The following MCC variants were observed in gnomAD, a reference collection of about 807,000 sequenced individuals.
MCC encodes colorectal mutant cancer protein.
Under a neutral mutation model 116.2 loss-of-function variants are expected in MCC, and 90 were observed. The ratio of observed to expected loss-of-function variants is 0.77; its 90% CI spans 0.65 to 0.92. The LOEUF (loss-of-function observed/expected upper bound fraction) is 0.92. Ranked by LOEUF, MCC falls within the 40% of genes least tolerant of loss-of-function variation. The probability of loss-of-function intolerance (pLI) is 0.00; values close to 1 mark genes in which losing one functional copy is unlikely to be tolerated. For synonymous variants in MCC, 578 were observed against 510.5 expected, an observed-to-expected ratio of 1.13 and a Z score of -1.78; for missense variants, 1,516 against 1,312.2, an observed-to-expected ratio of 1.16 and a Z score of -2.40.
At chr5:113,199,105 T>G (rs1005283772) in intron 3 of MCC, among the ~76,000 whole-genome samples, 1 of 151,788 alleles carries the variant, frequency 6.6e-6, no homozygotes, top group African/African-American at 2.4e-5. Flanking sequence ...GAGGTGGAGG[T>G]TGCAGTGAGC....
intron 17 of MCC, among the ~76,000 whole-genome samples, chr5:113,040,786 T>C (rs933447980): frequency 1.3e-5 from 2 of 152,192 alleles, no homozygotes; most frequent in Non-Finnish European, 2.9e-5. Flanking sequence ...TGGGTCTTGA[T>C]TAGAAATCCA....
At chr5:113,062,339 T>C (rs1338060445) in intron 14 of MCC, among the ~76,000 whole-genome samples, 1 of 152,208 alleles carries the variant, frequency 6.6e-6, no homozygotes. Context: ...TTCTAACAAA[T>C]ATTCAAAAGC....
chr5:113,033,364 T>C (rs542962552), intron 17 of MCC, among the ~76,000 whole-genome samples: 1 of 152,308 alleles, frequency 6.6e-6, no homozygotes, highest in South Asian at 2.1e-4. Flanking sequence ...TATGCAAAAT[T>C]GCAAGCACGG....
chr5:113,371,189 C>G (rs1488418811), intron 2 of MCC, among the ~76,000 whole-genome samples: 2 of 152,102 alleles, frequency 1.3e-5, no homozygotes, highest in Non-Finnish European at 2.9e-5. Context: ...CCACTGCACT[C>G]CAGCCTGGGT....
At chr5:113,344,742 C>G (rs145633059) in intron 2 of MCC, among the ~76,000 whole-genome samples, 1 of 152,036 alleles carries the variant, frequency 6.6e-6, no homozygotes, top group African/African-American at 2.4e-5. Flanking sequence ...GATTCATCAC[C>G]TGCTGACTAA....
rs923104329 is a variant in MCC at position 113,270,264 on chromosome 5, C to T, written c.627+70255G>A. On this transcript the variant is annotated intron_variant, in intron 3 of 18. Transcript: ENST00000408903. ...AGTTCTAAGTCAGTAATGAATAATACGGCTGTTCATCTTTAGGTCATCCAC... is the reference window on the plus strand; with the variant it reads ...AGTTCTAAGTCAGTAATGAATAATATGGCTGTTCATCTTTAGGTCATCCAC... Among the ~76,000 whole-genome samples the T allele has an allele frequency of 5.9e-5, 9 of 152,178 alleles. No individual in the cohort carries two copies. In the East Asian group the frequency reaches 7.7e-4, roughly 13 times the overall value.
intron 1 of MCC, among the ~76,000 whole-genome samples, chr5:113,420,635 C>T (rs992469558): frequency 2.0e-5 from 3 of 152,150 alleles, no homozygotes; most frequent in Admixed American, 2.0e-4. Flanking sequence ...CACTGCACAC[C>T]AGTGTGCTTA....
chr5:113,184,787 T>C (rs976206648), intron 3 of MCC, among the ~76,000 whole-genome samples: 3 of 152,332 alleles, frequency 2.0e-5, no homozygotes, highest in African/African-American at 4.8e-5. Flanking sequence ...AGTCCACTGA[T>C]GGAGGTATGT....
intron 3 of MCC, among the ~76,000 whole-genome samples, chr5:113,269,805 C>T (rs926522668): frequency 2.0e-5 from 3 of 152,202 alleles, no homozygotes; most frequent in African/African-American, 7.2e-5. Context: ...AGGGTGACAG[C>T]GAAAACCCCA....
chr5:113,257,207 A>T (rs1765040722), intron 3 of MCC, among the ~76,000 whole-genome samples: 1 of 152,134 alleles, frequency 6.6e-6, no homozygotes, highest in African/African-American at 2.4e-5. Flanking sequence ...TACTCCAGGT[A>T]CCACTTCTGG....
chr5:113,186,775 GT>G (rs1386245733), intron 3 of MCC, among the ~76,000 whole-genome samples: 1 of 152,144 alleles, frequency 6.6e-6, no homozygotes, highest in Non-Finnish European at 1.5e-5. Flanking sequence ...AGGGGTAGAA[GT>G]TTCCTATCTT....
rs1363640451 is a variant in MCC at position 113,062,061 on chromosome 5, C to T, written c.2213+1923G>A. On this transcript the variant is annotated intron_variant, in intron 14 of 18. Transcript: ENST00000408903. ...AATGCCTCGTGTGTGGTTCTTCCAT[C>T]CTCGGAGCTGCTCTGATTTGGGCGG... Among the ~76,000 whole-genome samples, 23 of 152,178 alleles carry T rather than the reference C, an allele frequency of 1.5e-4. 1 individual carries two copies. Among genetic ancestry groups the T allele is most frequent in the Admixed American group, 1.5e-3 (23 of 15,280 alleles).
At chr5:113,060,101 T>C (rs904884433) in intron 14 of MCC, among the ~76,000 whole-genome samples, 1 of 152,196 alleles carries the variant, frequency 6.6e-6, no homozygotes, top group Non-Finnish European at 1.5e-5. Flanking sequence ...ATCAACATCT[T>C]ACCTGGCCCT....
intron 17 of MCC, 145 bp downstream of exon 17, chr5:113,043,385 C>T (rs546516342): frequency 1.7e-4 from 124 of 719,298 alleles, no homozygotes; most frequent in Non-Finnish European, 2.5e-4. Context: ...CTGGCACCAA[C>T]AGGCCTTCTC....
At chr5:113,124,191 A>G (rs1438476287) in intron 5 of MCC, among the ~76,000 whole-genome samples, 1 of 152,254 alleles carries the variant, frequency 6.6e-6, no homozygotes, top group Non-Finnish European at 1.5e-5. Context: ...TGAAGACAAA[A>G]AATACAGGCT....
intron 3 of MCC, among the ~76,000 whole-genome samples, chr5:113,330,696 AT>A (rs893811669): frequency 6.6e-6 from 1 of 152,218 alleles, no homozygotes; most frequent in Non-Finnish European, 1.5e-5. Flanking sequence ...AGGCAAAGAA[AT>A]GCAAAGGAAG....
chr5:113,090,801 T>C (rs1361906824), intron 8 of MCC, among the ~76,000 whole-genome samples: 1 of 152,120 alleles, frequency 6.6e-6, no homozygotes, highest in Non-Finnish European at 1.5e-5. Context: ...TCAGCTAAAG[T>C]CAACAGGTGC....
intron 2 of MCC, among the ~76,000 whole-genome samples, chr5:113,345,269 G>GTT (rs562863134): frequency 6.7e-6 from 1 of 149,054 alleles, no homozygotes; most frequent in Non-Finnish European, 1.5e-5. Flanking sequence ...TAGATTTTAC[G>GTT]TTTTTTTTTT....
chr5:113,390,763 T>C (rs1412230460), intron 1 of MCC, among the ~76,000 whole-genome samples: 3 of 152,174 alleles, frequency 2.0e-5, no homozygotes, highest in African/African-American at 4.8e-5. Flanking sequence ...ATGAGGGCTA[T>C]ACAGAGGCAA....
Sources: gnomAD v4.1 joint callset for allele counts (sites outside exome capture counted in the v4.1 genomes callset) on GRCh38, gnomAD v4.1.1 for gene constraint, MANE v1.5 for transcripts, NCBI Gene and HGNC (gene_info 2026-07-23, HGNC 2026-07-21) for gene names.